The following FBXL13 variants were observed in gnomAD, a reference collection of about 807,000 sequenced individuals.
FBXL13 encodes the protein F-box and leucine-rich repeat protein 13.
Under a neutral mutation model 83.6 loss-of-function variants are expected in FBXL13, and 67 were observed. The observed-to-expected ratio is 0.80, with a 90% CI of 0.66 to 0.98. The LOEUF is 0.98. FBXL13 is among the 50% of genes least tolerant of loss of function. The pLI is 0.00. For missense variants in FBXL13, 822 were observed against 866.5 expected (o/e 0.95, Z 0.64); for synonymous variants, 272 against 299.5 (o/e 0.91, Z 0.95).
intron 16 of FBXL13, among the ~76,000 whole-genome samples, chr7:102,860,478 T>C (rs370404952): frequency 6.6e-6 from 1 of 152,264 alleles, no homozygotes; most frequent in African/African-American, 2.4e-5. Flanking sequence ...GTGTGAGTTG[T>C]TGGGAAGTAG....
At chr7:102,931,892 G>A in exon 9 of FBXL13, 1 of 1,613,276 alleles carries the variant, frequency 6.2e-7, no homozygotes, top group Non-Finnish European at 8.5e-7. Context: ...GTGAATGTTG[G>A]GCAGTCAGAG....
At chr7:103,065,924 G>C (rs945651315) in intron 1 of FBXL13, among the ~76,000 whole-genome samples, 2 of 152,202 alleles carry the variant, frequency 1.3e-5, no homozygotes, top group South Asian at 4.1e-4. Context: ...GGCACCACTG[G>C]GTGCACCACA....
chr7:102,847,859 T>C (rs953020972), intron 17 of FBXL13, among the ~76,000 whole-genome samples: 1 of 152,172 alleles, frequency 6.6e-6, no homozygotes, highest in African/African-American at 2.4e-5. Context: ...CTGCTTTAAA[T>C]ACTGACCATC....
intron 16 of FBXL13, among the ~76,000 whole-genome samples, chr7:102,872,217 T>A (rs1808618446): frequency 6.6e-6 from 1 of 152,186 alleles, no homozygotes; most frequent in Non-Finnish European, 1.5e-5. Context: ...GCCTGCCCCA[T>A]CACATCTAAA....
At chr7:102,854,377 G>T (rs922312604) in intron 17 of FBXL13, among the ~76,000 whole-genome samples, 9 of 152,190 alleles carry the variant, frequency 5.9e-5, no homozygotes, top group East Asian at 1.9e-4. Flanking sequence ...GTTGTGGGGT[G>T]GGGGGAGAGG....
intron 6 of FBXL13, among the ~76,000 whole-genome samples, chr7:102,968,391 G>A (rs1410430625): frequency 2.0e-5 from 3 of 152,196 alleles, no homozygotes; most frequent in Admixed American, 1.3e-4. Flanking sequence ...TGGTGAGAAA[G>A]ATAAGCATAT....
At chr7:102,936,252 T>A (rs1820292672) in intron 8 of FBXL13, 1 of 152,188 alleles carries the variant, frequency 6.6e-6, no homozygotes, top group Non-Finnish European at 1.5e-5. Context: ...AGGAAGATAG[T>A]AACATTCCCA....
intron 1 of FBXL13, among the ~76,000 whole-genome samples, chr7:103,058,173 T>G (rs953341857): frequency 2.0e-5 from 3 of 152,162 alleles, no homozygotes; most frequent in African/African-American, 4.8e-5. Context: ...GCTCCTCTTC[T>G]TAGTGTACAG....
chr7:102,881,300 C>G (rs1810021424), intron 14 of FBXL13, among the ~76,000 whole-genome samples: 1 of 151,658 alleles, frequency 6.6e-6, no homozygotes, highest in Non-Finnish European at 1.5e-5. Flanking sequence ...CAAAAATTAG[C>G]CAGGGATGAT....
chr7:103,034,586 TCCA>T (rs1390374453), intron 2 of FBXL13, among the ~76,000 whole-genome samples: 2 of 152,116 alleles, frequency 1.3e-5, no homozygotes, highest in Non-Finnish European at 2.9e-5. Flanking sequence ...CGCCTTTCCC[TCCA>T]CACCTCCTCG....
intron 8 of FBXL13, chr7:102,934,312 C>G (rs1274411474): frequency 3.1e-6 from 5 of 1,614,074 alleles, no homozygotes; most frequent in Non-Finnish European, 4.2e-6. Context: ...AACTCACCAC[C>G]CTCTTACTGC....
At chr7:102,826,909 T>C (rs1416799590) in intron 18 of FBXL13, among the ~76,000 whole-genome samples, 2 of 149,654 alleles carry the variant, frequency 1.3e-5, no homozygotes, top group African/African-American at 4.9e-5. Flanking sequence ...TATTATGTTA[T>C]ATTATGCTAT....
chr7:103,037,821 T>G (rs1237861458), intron 2 of FBXL13, among the ~76,000 whole-genome samples: 1 of 152,036 alleles, frequency 6.6e-6, no homozygotes, highest in Non-Finnish European at 1.5e-5. Flanking sequence ...AGAATATTTT[T>G]GGGCATGCTT....
chr7:102,851,769 T>G lies in FBXL13; in HGVS notation c.1719+3008A>C, dbSNP rs775366737. On this transcript the variant is annotated intron_variant, in intron 17 of 19. Coordinates refer to ENST00000313221, the Ensembl canonical transcript of FBXL13. ...TTTGGGGTTTTTTCTAACAGCATAT[T>G]GATATGCTTGAAGTGATGAAAAAAT... Among the ~76,000 whole-genome samples the G allele has an allele frequency of 3.3e-5, 5 of 152,100 alleles. No homozygotes were observed. The East Asian group carries it at 9.6e-4, about 29-fold the overall frequency.
intron 2 of FBXL13, among the ~76,000 whole-genome samples, chr7:103,034,288 C>CG (rs1339908509): frequency 2.0e-5 from 3 of 152,218 alleles, no homozygotes; most frequent in Non-Finnish European, 4.4e-5. Flanking sequence ...CACCGTGGAG[C>CG]GGGGGGCGGC....
intron 10 of FBXL13, among the ~76,000 whole-genome samples, chr7:102,924,424 T>C (rs981234851): frequency 1.3e-5 from 2 of 151,962 alleles, no homozygotes; most frequent in African/African-American, 4.8e-5. Context: ...AATAAGCAAA[T>C]GTATATTAAA....
At chr7:102,853,191 T>C (rs952131631) in intron 17 of FBXL13, among the ~76,000 whole-genome samples, 2 of 151,448 alleles carry the variant, frequency 1.3e-5, no homozygotes, top group African/African-American at 4.9e-5. Flanking sequence ...GGGAAGTGAG[T>C]GAGGAATAAA....
chr7:103,070,895 C>T (rs1365627976), intron 1 of FBXL13, among the ~76,000 whole-genome samples: 2 of 152,188 alleles, frequency 1.3e-5, no homozygotes, highest in Non-Finnish European at 2.9e-5. Flanking sequence ...CTGGGCCCCA[C>T]CTCCAACACT....
intron 11 of FBXL13, among the ~76,000 whole-genome samples, chr7:102,888,219 G>T (rs1811052319): frequency 6.6e-6 from 1 of 152,188 alleles, no homozygotes; most frequent in Non-Finnish European, 1.5e-5. Context: ...GGGAAAGAGT[G>T]CAGAGTTTGG....
Sources: gnomAD v4.1 joint callset for allele counts (sites outside exome capture counted in the v4.1 genomes callset) on GRCh38, gnomAD v4.1.1 for gene constraint, MANE v1.5 for transcripts, NCBI Gene and HGNC (gene_info 2026-07-23, HGNC 2026-07-21) for gene names.